The following ANKH variants were observed in gnomAD, a reference collection of about 807,000 sequenced individuals.
ANKH encodes ANKH inorganic pyrophosphate transport regulator.
ANKH carries 15 observed loss-of-function variants against 49.0 expected under a neutral mutation model. The observed-to-expected ratio is 0.31, with a 90% CI of 0.20 to 0.47. The LOEUF (loss-of-function observed/expected upper bound fraction) is 0.47, where lower values mean the gene tolerates loss of function less well. Ranked by LOEUF, ANKH falls within the 20% of genes least tolerant of loss-of-function variation. The pLI is 1.00. For synonymous variants in ANKH, 273 were observed against 260.0 expected, an observed-to-expected ratio of 1.05 and a Z score of -0.48; for missense variants, 429 against 652.0, an observed-to-expected ratio of 0.66 and a Z score of 3.72.
chr5:14,748,373 G>A (rs1738605938), intron 6 of ANKH, among the ~76,000 whole-genome samples: 1 of 152,246 alleles, frequency 6.6e-6, no homozygotes, highest in South Asian at 2.1e-4. Flanking sequence ...TGACAGCGCA[G>A]TAAGGGCTCC....
At chr5:14,711,348 T>C (rs1304766382) in intron 11 of ANKH, 38 bp from the exon 12 acceptor site, 1 of 1,552,754 alleles carries the variant, frequency 6.4e-7, no homozygotes, top group Non-Finnish European at 8.9e-7. Context: ...GGGCTGTGGA[T>C]GGGGACACTG....
At chr5:14,733,580 C>T (rs968089214) in intron 8 of ANKH, among the ~76,000 whole-genome samples, 1 of 152,190 alleles carries the variant, frequency 6.6e-6, no homozygotes, top group Non-Finnish European at 1.5e-5. Flanking sequence ...GGCCATTTAG[C>T]ATGCAATCAG....
In ANKH at chr5:14,711,166, T is replaced by C. The variant is rs3045; in HGVS notation, c.*31A>G. On this transcript the variant is annotated 3_prime_UTR_variant, in exon 12 of 12. Coordinates refer to ENST00000284268, the MANE Select transcript of ANKH (RefSeq NM_054027.6). ...ATGCCGAAGTGTCATCCTGACTGAC[T>C]GTCCCTGCAGTGCCCATGGCGTCCC... 0.086 allele frequency: 131,579 copies of C among 1,532,068 alleles called. 6,386 individuals carry two copies. The highest frequency in any genetic ancestry group is 0.11 in the African/African-American group (8,302 of 73,412). The allele number at this position is 1,532,068 out of a possible 1,614,324, so 94.9% of individuals were successfully genotyped here. A position where few individuals can be genotyped will look rare whatever the true frequency, so the allele number is the denominator to read the frequency against.
At chr5:14,839,734 T>C (rs1741764153) in intron 1 of ANKH, among the ~76,000 whole-genome samples, 1 of 152,200 alleles carries the variant, frequency 6.6e-6, no homozygotes, top group Non-Finnish European at 1.5e-5. Flanking sequence ...ATGGCACTCA[T>C]TTTTAGCCTT....
chr5:14,784,030 C>T (rs1739895651), intron 1 of ANKH, among the ~76,000 whole-genome samples: 1 of 152,232 alleles, frequency 6.6e-6, no homozygotes, highest in African/African-American at 2.4e-5. Flanking sequence ...CCTCAGGGCC[C>T]TGGTAGAGGC....
chr5:14,790,556 TTTTC>T (rs1346075749), intron 1 of ANKH, among the ~76,000 whole-genome samples: 4 of 152,232 alleles, frequency 2.6e-5, no homozygotes, highest in Admixed American at 6.5e-5. Context: ...GTTCTTTTCT[TTTTC>T]TTTCTTTTTG....
In ANKH at chr5:14,709,399, G is replaced by A. The variant is rs980251722; in HGVS notation, c.*1798C>T. 2 of 152,226 alleles carry A rather than the reference G, an allele frequency of 1.3e-5. No individual in the cohort carries two copies. Among genetic ancestry groups the A allele is most frequent in the Admixed American group, 6.5e-5 (1 of 15,292 alleles). 9.4% of individuals were successfully genotyped at this position (152,226 alleles called of 1,614,324 possible). Reference sequence around the variant, plus strand: ...TTCAGTACTCATATATGTATTAATGGAGGAAAAGCCACTCTGAGGAAGCAC... The same window carrying A: ...TTCAGTACTCATATATGTATTAATGAAGGAAAAGCCACTCTGAGGAAGCAC... On this transcript the variant is annotated 3_prime_UTR_variant, in exon 12 of 12. Coordinates refer to ENST00000284268, the MANE Select transcript of ANKH (RefSeq NM_054027.6).
chr5:14,831,918 C>T (rs1240975554), intron 1 of ANKH, among the ~76,000 whole-genome samples: 1 of 152,128 alleles, frequency 6.6e-6, no homozygotes, highest in African/African-American at 2.4e-5. Context: ...AATGAACTTT[C>T]AGGAACAAAG....
Position 14,713,642 on chromosome 5 carries a change from C to G in ANKH, c.1167G>C (p.Gly389=), listed in dbSNP as rs141377885. 4.2e-5 allele frequency: 67 copies of G among 1,614,170 alleles called. No individual in the cohort carries two copies. In the African/African-American group the frequency reaches 7.7e-4, roughly 19 times the overall value. ...AGGTTTTCTTCAGTGTCATCAGCCA[C>G]CCGGTGAGATGCGCCCTCACTGTGA... The part of the protein sequence containing the change: ...VPVTVRAHLT[G]WLMTLKKTFV... Residue 389 remains glycine (G), a synonymous_variant, in exon 10 of 12, where the codon GGG becomes GGC. Transcript: ENST00000284268. The surrounding 1 kb of genome is among the most constrained non-coding windows in gnomAD (Gnocchi z 4.4).
Position 14,711,029 on chromosome 5 carries a change from G to A in ANKH, c.*168C>T. 2.9e-6 allele frequency: 2 copies of A among 693,832 alleles called. No individual in the cohort carries two copies. The highest frequency in any genetic ancestry group is 5.2e-6 in the Non-Finnish European group (2 of 382,050). The allele number at this position is 693,832 out of a possible 1,614,324, so 43.0% of individuals were successfully genotyped here. ...TCACTAGGTCCCCCCGTCAGTGTGA[G>A]CATACCCAGTATGCTAGAGAATTGA... On this transcript the variant is annotated 3_prime_UTR_variant, in exon 12 of 12. Coordinates refer to ENST00000284268, the MANE Select transcript of ANKH (RefSeq NM_054027.6).
At chr5:14,865,985 A>G (rs1241762118) in intron 1 of ANKH, among the ~76,000 whole-genome samples, 2 of 151,120 alleles carry the variant, frequency 1.3e-5, no homozygotes, top group East Asian at 3.8e-4. Context: ...TTGAATTATC[A>G]TATTAGACCC....
At position 14,708,467 on chromosome 5, in the gene ANKH, T is replaced by A. The variant is rs1737025739; in HGVS notation, c.*2730A>T. 2 of 152,192 alleles carry A rather than the reference T, an allele frequency of 1.3e-5. No individual in the cohort carries two copies. The highest frequency in any genetic ancestry group is 4.8e-5 in the African/African-American group (2 of 41,444). 9.4% of individuals were successfully genotyped at this position (152,192 alleles called of 1,614,324 possible). On this transcript the variant is annotated 3_prime_UTR_variant, in exon 12 of 12. Transcript: ENST00000284268. ...ATGAAAAATAAATGTTTTGGGGGAATGTTTCTTTGGTCACAAAAGTCAAAA... is the reference window on the plus strand; with the variant it reads ...ATGAAAAATAAATGTTTTGGGGGAAAGTTTCTTTGGTCACAAAAGTCAAAA...
At chr5:14,762,810 T>A (rs1460653186) in intron 2 of ANKH, among the ~76,000 whole-genome samples, 1 of 152,256 alleles carries the variant, frequency 6.6e-6, no homozygotes, top group Non-Finnish European at 1.5e-5. Flanking sequence ...CTTAGCAATA[T>A]TTAGCAACCT....
chr5:14,816,604 C>T (rs916285495), intron 1 of ANKH, among the ~76,000 whole-genome samples: 7 of 152,160 alleles, frequency 4.6e-5, no homozygotes, highest in African/African-American at 1.7e-4. Context: ...GCTCTATTCT[C>T]TCACAAAAGG....
intron 1 of ANKH, among the ~76,000 whole-genome samples, chr5:14,821,112 A>T (rs568141909): frequency 2.5e-4 from 38 of 151,384 alleles, no homozygotes; most frequent in Non-Finnish European, 4.0e-4. Context: ...AAAAAAAAAA[A>T]TTTCAGTTAT....
At chr5:14,756,366 G>A (rs1232395508) in intron 3 of ANKH, among the ~76,000 whole-genome samples, 1 of 152,168 alleles carries the variant, frequency 6.6e-6, no homozygotes, top group African/African-American at 2.4e-5. Flanking sequence ...CATTACCGGT[G>A]CTCACTGACT....
At position 14,711,171 on chromosome 5, in the gene ANKH, C is replaced by T. The variant is rs775899303; in HGVS notation, c.*26G>A. The T allele has an allele frequency of 9.0e-6, 14 of 1,561,414 alleles. No homozygotes were observed. The highest frequency in any genetic ancestry group is 4.4e-5 in the South Asian group (4 of 90,000). On this transcript the variant is annotated 3_prime_UTR_variant, in exon 12 of 12. Coordinates refer to ENST00000284268, the MANE Select transcript of ANKH (RefSeq NM_054027.6). ...GAAGTGTCATCCTGACTGACTGTCC[C>T]TGCAGTGCCCATGGCGTCCCGTGCC...
At chr5:14,724,292 G>C (rs1489089471) in intron 8 of ANKH, among the ~76,000 whole-genome samples, 1 of 151,092 alleles carries the variant, frequency 6.6e-6, no homozygotes, top group East Asian at 1.9e-4. Context: ...ACTCCAGCCT[G>C]GTTAACAAGA....
intron 1 of ANKH, among the ~76,000 whole-genome samples, chr5:14,825,382 C>T (rs1401577179): frequency 2.6e-5 from 4 of 152,164 alleles, no homozygotes; most frequent in Non-Finnish European, 5.9e-5. Flanking sequence ...GACAGGATCT[C>T]CCTCTGTTGC....
Sources: allele counts gnomAD v4.1 joint callset (sites outside exome capture counted in the v4.1 genomes callset), GRCh38; gene constraint gnomAD v4.1.1; non-coding constraint Gnocchi (gnomAD v3.1); transcripts MANE v1.5; gene names NCBI Gene and HGNC (gene_info 2026-07-23, HGNC 2026-07-21).